Variants in F5 observed in about 807,000 individuals in gnomAD.
F5 encodes the protein coagulation factor V.
F5 carries 138 observed loss-of-function variants against 216.4 expected under a neutral mutation model. The observed-to-expected ratio is 0.64, with a 90% CI of 0.56 to 0.73. The LOEUF (loss-of-function observed/expected upper bound fraction) is 0.73, where lower values mean the gene tolerates loss of function less well. F5 is among the 30% of genes least tolerant of loss of function. The pLI, the probability that F5 is intolerant of heterozygous loss-of-function variation, is 0.00. For missense variants in F5, 2,403 were observed against 2,674.0 expected, an observed-to-expected ratio of 0.90 and a Z score of 2.24; for synonymous variants, 916 against 930.7, an observed-to-expected ratio of 0.98 and a Z score of 0.29.
intron 13 of F5, among the ~76,000 whole-genome samples, chr1:169,538,507 G>A (rs1557913279): frequency 6.6e-6 from 1 of 152,074 alleles, no homozygotes; most frequent in Non-Finnish European, 1.5e-5. Context: ...TAATGCATAG[G>A]TTAATTAGCT....
rs368886239 is a variant in F5 at position 169,536,623 on chromosome 1, T to G, written c.4854A>C (p.Val1618=). ...DIPEDTTYKK[V]VFRKYLDSTF... is the part of the protein sequence containing the mutation. ...TGCTGTCGAGGTACTTTCGAAAAAC[T>G]ACTTTCTTATATGTGGTATCTTCTG... The change falls in exon 14 of 25, where the codon GTA becomes GTC. Residue 1618 remains valine, a synonymous_variant. Transcript: ENST00000367797. The G allele has an allele frequency of 3.1e-6, 5 of 1,613,170 alleles. No individual in the cohort carries two copies. In the African/African-American group the frequency reaches 6.7e-5, roughly 22 times the overall value.
intron 12 of F5, among the ~76,000 whole-genome samples, chr1:169,543,996 T>C (rs973343461): frequency 2.0e-5 from 3 of 152,234 alleles, no homozygotes; most frequent in Non-Finnish European, 2.9e-5. Flanking sequence ...AAAGAAATGC[T>C]CTTTTGTGGC....
intron 2 of F5, among the ~76,000 whole-genome samples, chr1:169,581,662 G>T (rs532070084): frequency 6.6e-6 from 1 of 152,264 alleles, no homozygotes; most frequent in African/African-American, 2.4e-5. Context: ...CTGACAAGGG[G>T]ATTCAACTGG....
At position 169,546,728 on chromosome 1, in the gene F5, T is replaced by C. The variant is rs1044201237; in HGVS notation, c.1612-136A>G. 34 of 787,010 alleles carry C rather than the reference T, an allele frequency of 4.3e-5. No homozygotes were observed. In the African/African-American group the frequency reaches 5.9e-4, roughly 14 times the overall value. 48.8% of individuals were successfully genotyped at this position (787,010 alleles called of 1,614,324 possible). On this transcript the variant is annotated intron_variant, in intron 10 of 24. Transcript: ENST00000367797. ...CAAAAGCAAGCAATAGGGAAAGGAT[T>C]CTCTATTCCATAAATGGTTCTGGGA...
intron 21 of F5, 54 bp from the exon 22 acceptor site, chr1:169,520,718 T>G (rs774474364): frequency 6.7e-7 from 1 of 1,484,272 alleles, no homozygotes; most frequent in Non-Finnish European, 9.3e-7. Flanking sequence ...AAAGTGACTT[T>G]ATATTAAAAT....
intron 15 of F5, among the ~76,000 whole-genome samples, 185 bp downstream of exon 15, chr1:169,530,601 T>C (rs1302156531): frequency 1.3e-5 from 2 of 152,242 alleles, no homozygotes; most frequent in East Asian, 1.9e-4. Flanking sequence ...TCTCTCTCTG[T>C]CATCTGAAGA....
chr1:169,536,788 A>G, intron 13 of F5, 108 bp from the exon 14 acceptor site: 1 of 833,224 alleles, frequency 1.2e-6, no homozygotes. Flanking sequence ...AAGGTCTTTA[A>G]TAAATACTTG....
intron 14 of F5, among the ~76,000 whole-genome samples, chr1:169,533,790 G>T (rs1014249856): frequency 5.9e-5 from 9 of 152,112 alleles, no homozygotes; most frequent in African/African-American, 2.2e-4. Flanking sequence ...ATACACTGCT[G>T]CTTAGAATGT....
chr1:169,531,483 T>C (rs1184491589), intron 14 of F5, among the ~76,000 whole-genome samples: 1 of 152,146 alleles, frequency 6.6e-6, no homozygotes, highest in Non-Finnish European at 1.5e-5. Flanking sequence ...TTAGGAGTGG[T>C]TGGAAGAATT....
Position 169,541,635 on chromosome 1 carries a change from T to G in F5, c.3455A>C (p.Glu1152Ala), listed in dbSNP as rs543751483. The G allele has an allele frequency of 6.9e-5, 112 of 1,614,134 alleles. No individual in the cohort carries two copies. In the South Asian group the frequency reaches 1.2e-3, roughly 17 times the overall value. ...GTCATACTCAAGCATTTCACTGAGC[T>G]CTGGAGAAGAGGATCTGTGACTGGG... ...SDPSHRSSSP[E>A]LSEMLEYDRS... The change falls in exon 13 of 25, where the codon GAG (glutamate) becomes GCG (alanine). Residue 1152 changes from glutamate (E) to alanine (A), a missense_variant. Coordinates refer to ENST00000367797, the MANE Select transcript of F5 (RefSeq NM_000130.5).
At chr1:169,517,967 G>A (rs1449205292) in intron 23 of F5, among the ~76,000 whole-genome samples, 1 of 152,134 alleles carries the variant, frequency 6.6e-6, no homozygotes, top group East Asian at 1.9e-4. Context: ...GGCAAACTAT[G>A]ATCCATGGGC....
chr1:169,538,898 T>G (rs1659768297), intron 13 of F5, among the ~76,000 whole-genome samples: 2 of 152,084 alleles, frequency 1.3e-5, no homozygotes, highest in African/African-American at 4.8e-5. Context: ...GTGCTGGTTG[T>G]GATATAGTAT....
Position 169,518,544 on chromosome 1 carries a change from A to T in F5, c.6213T>A (p.Gly2071=), listed in dbSNP as rs1659214355. The T allele has an allele frequency of 6.2e-7, 1 of 1,613,664 alleles. No individual in the cohort carries two copies. Among genetic ancestry groups the T allele is most frequent in the Admixed American group, 1.7e-5 (1 of 59,972 alleles). ...CEVNGCSTPL[G]MENGKIENKQ... Reference sequence around the variant, plus strand: ...TGTTTTCTATCTTTCCATTTTCCATACCCAGGGGTGTGGAACATCCTATCA... The same window carrying T: ...TGTTTTCTATCTTTCCATTTTCCATTCCCAGGGGTGTGGAACATCCTATCA... The change falls in exon 23 of 25, where the codon GGT becomes GGA. Residue 2071 remains glycine (G), a synonymous_variant. Coordinates refer to ENST00000367797, the MANE Select transcript of F5 (RefSeq NM_000130.5).
intron 18 of F5, 27 bp from the exon 19 acceptor site, chr1:169,524,935 A>C: frequency 6.4e-7 from 1 of 1,564,816 alleles, no homozygotes; most frequent in Non-Finnish European, 8.8e-7. Flanking sequence ...AAAAATGAAT[A>C]ATTTTTGCTT....
In F5 at chr1:169,556,663, G is replaced by GT; in HGVS notation, c.934dup (p.Thr312AsnfsTer14). ...TTTCTTGCCTTGCAAATGTTTTGGG[G>GT]TGAGAGAAGATATGATCCACTTTCC... On this transcript the variant is annotated frameshift_variant, in exon 6 of 25. Coordinates refer to ENST00000367797, the MANE Select transcript of F5 (RefSeq NM_000130.5). LOFTEE classifies it high-confidence loss of function. The GT allele has an allele frequency of 6.2e-7, 1 of 1,614,046 alleles. No individual in the cohort carries two copies. Among genetic ancestry groups the GT allele is most frequent in the Non-Finnish European group, 8.5e-7 (1 of 1,179,980 alleles).
chr1:169,530,843 C>A lies in F5; in HGVS notation c.5151G>T (p.Gly1717=), dbSNP rs777300323. The change falls in exon 15 of 25, where the codon GGG becomes GGT. Residue 1717 remains glycine, a synonymous_variant. Coordinates refer to ENST00000367797, the MANE Select transcript of F5 (RefSeq NM_000130.5). ...TYVWHATERS[G]PESPGSACRA... ...GACAGGCAGAGCCAGGACTTTCTGGCCCTGATCGCTCAGTGGCATGCCATA... is the reference window on the plus strand; with the variant it reads ...GACAGGCAGAGCCAGGACTTTCTGGACCTGATCGCTCAGTGGCATGCCATA... 3.1e-6 allele frequency: 5 copies of A among 1,613,812 alleles called. No homozygotes were observed. In the East Asian group the frequency reaches 8.9e-5, roughly 29 times the overall value.
rs1659710277 is a variant in F5 at position 169,536,581 on chromosome 1, A to T, written c.4896T>A (p.Asp1632Glu). The change falls in exon 14 of 25, where the codon GAT becomes GAA. Residue 1632 changes from aspartate (D) to glutamate (E), a missense_variant. This residue lies in a region of F5 where 659 missense variants were observed against 787.9 expected (regional missense o/e 0.84). Coordinates refer to ENST00000367797, the MANE Select transcript of F5 (RefSeq NM_000130.5). Reference protein sequence around the residue: ...KYLDSTFTKRDPRGEYEEHLG... With the variant: ...KYLDSTFTKREPRGEYEEHLG... ...GATGCTCTTCATACTCCCCTCGAGGATCACGTTTGGTAAAAGTGCTGTCGA... is the reference window on the plus strand; with the variant it reads ...GATGCTCTTCATACTCCCCTCGAGGTTCACGTTTGGTAAAAGTGCTGTCGA... 1 of 1,613,646 alleles carries T rather than the reference A, an allele frequency of 6.2e-7. No homozygotes were observed. Among genetic ancestry groups the T allele is most frequent in the Non-Finnish European group, 8.5e-7 (1 of 1,179,646 alleles).
intron 9 of F5, 104 bp from the exon 10 acceptor site, chr1:169,550,119 AT>A: frequency 1.1e-6 from 1 of 903,722 alleles, no homozygotes; most frequent in South Asian, 1.5e-5. Context: ...TGCAAAAGGA[AT>A]TCTTTTATTT....
At chr1:169,574,634 G>A (rs1425059095) in intron 2 of F5, among the ~76,000 whole-genome samples, 1 of 152,156 alleles carries the variant, frequency 6.6e-6, no homozygotes, top group Non-Finnish European at 1.5e-5. Flanking sequence ...TTCAAGCACT[G>A]TAAGTCCCTA....
Sources: gnomAD v4.1 joint callset for allele counts (sites outside exome capture counted in the v4.1 genomes callset) on GRCh38, gnomAD v4.1.1 for gene constraint, gnomAD v4.1.1 regional missense constraint, MANE v1.5 for transcripts, NCBI Gene and HGNC (gene_info 2026-07-23, HGNC 2026-07-21) for gene names.